Variants in DLGAP2 observed in about 807,000 individuals in gnomAD.
The protein encoded by DLGAP2 is disks large-associated protein 2.
Under a neutral mutation model 100.3 loss-of-function variants are expected in DLGAP2, and 26 were observed. The ratio of observed to expected loss-of-function variants is 0.26; its 90% CI spans 0.19 to 0.36. DLGAP2 has a LOEUF of 0.36. Ranked by LOEUF, DLGAP2 falls within the 10% of genes least tolerant of loss-of-function variation. The pLI is 1.00. For missense variants in DLGAP2, 1,858 were observed against 1,453.2 expected, an observed-to-expected ratio of 1.28 and a Z score of -4.53; for synonymous variants, 886 against 630.1, an observed-to-expected ratio of 1.41 and a Z score of -6.08.
intron 4 of DLGAP2, among the ~76,000 whole-genome samples, chr8:1,510,307 G>C (rs1170030405): frequency 6.6e-6 from 1 of 152,340 alleles, no homozygotes; most frequent in African/African-American, 2.4e-5. Context: ...AGGCTCATAG[G>C]AAGTGAAGGT....
At chr8:804,085 T>C (rs1045051001) in intron 1 of DLGAP2, among the ~76,000 whole-genome samples, 3 of 152,160 alleles carry the variant, frequency 2.0e-5, no homozygotes, top group African/African-American at 4.8e-5. Context: ...CTCTCTGTTG[T>C]AGGTGATTAA....
Position 1,548,889 on chromosome 8 carries a change from G to C in DLGAP2, c.436G>C (p.Val146Leu), listed in dbSNP as rs1003680129. ...GCGCAGCTCGGTGCACTCGGAGTGC[G>C]TGATGATGCCGGTGGTGCTGGGCGA... ...SPRSSVHSEC[V>L]MMPVVLGDHV... Residue 146 changes from valine (V) to leucine (L), a missense_variant, in exon 5 of 15, where the codon GTG becomes CTG. Val to Leu is a conservative substitution (Grantham distance 32, BLOSUM62 1). Transcript: ENST00000637795. 13 of 1,596,762 alleles carry C rather than the reference G, an allele frequency of 8.1e-6. No individual in the cohort carries two copies. Among genetic ancestry groups the C allele is most frequent in the African/African-American group, 1.3e-5 (1 of 74,870 alleles).
At chr8:1,693,938 C>T (rs1006872183) in intron 13 of DLGAP2, among the ~76,000 whole-genome samples, 17 of 152,274 alleles carry the variant, frequency 1.1e-4, no homozygotes, top group African/African-American at 2.2e-4. Flanking sequence ...GGGCCACTGA[C>T]GAACTCTGTG....
chr8:1,372,083 T>C (rs1371099236), intron 3 of DLGAP2, among the ~76,000 whole-genome samples: 1 of 152,176 alleles, frequency 6.6e-6, no homozygotes, highest in Non-Finnish European at 1.5e-5. Context: ...TGCCAGGTGA[T>C]GGGGTGGGCA....
intron 3 of DLGAP2, among the ~76,000 whole-genome samples, chr8:1,452,808 G>C (rs895756074): frequency 2.5e-4 from 38 of 152,176 alleles, no homozygotes; most frequent in African/African-American, 9.2e-4. Flanking sequence ...TAGAAACGCA[G>C]GTCTATGGAT....
intron 2 of DLGAP2, among the ~76,000 whole-genome samples, chr8:1,102,306 T>A (rs957966272): frequency 1.4e-5 from 2 of 147,460 alleles, no homozygotes; most frequent in Non-Finnish European, 3.0e-5. Context: ...ATGTAATATA[T>A]AATTACATAA....
intron 3 of DLGAP2, among the ~76,000 whole-genome samples, chr8:1,269,777 C>T (rs1025442129): frequency 6.6e-5 from 10 of 152,142 alleles, no homozygotes; most frequent in African/African-American, 1.9e-4. Flanking sequence ...AAAAGGCTGG[C>T]GAGGATTTTT....
At chr8:1,670,555 C>G (rs185501163) in intron 10 of DLGAP2, among the ~76,000 whole-genome samples, 1 of 152,366 alleles carries the variant, frequency 6.6e-6, no homozygotes, top group East Asian at 1.9e-4. Flanking sequence ...AGCACTGTGC[C>G]TGGCACATAG....
chr8:1,081,861 A>G (rs1220012346), intron 2 of DLGAP2, among the ~76,000 whole-genome samples: 1 of 152,172 alleles, frequency 6.6e-6, no homozygotes, highest in East Asian at 1.9e-4. Flanking sequence ...GGCATATTCC[A>G]TCTCCAGCAG....
chr8:997,976 T>C (rs1170942761), intron 2 of DLGAP2, among the ~76,000 whole-genome samples: 1 of 124,202 alleles, frequency 8.1e-6, no homozygotes, highest in Non-Finnish European at 1.8e-5. Flanking sequence ...CGCATGCATG[T>C]ACATGCACAA....
intron 3 of DLGAP2, among the ~76,000 whole-genome samples, chr8:1,268,094 TC>T (rs1799505273): frequency 6.6e-6 from 1 of 152,220 alleles, no homozygotes; most frequent in Non-Finnish European, 1.5e-5. Flanking sequence ...GATATAAAAT[TC>T]ACAAATAAAC....
At chr8:967,308 A>G (rs574122973) in intron 2 of DLGAP2, among the ~76,000 whole-genome samples, 1 of 152,232 alleles carries the variant, frequency 6.6e-6, no homozygotes, top group South Asian at 2.1e-4. Flanking sequence ...GCTTAAGCGC[A>G]TATCCCTTTC....
intron 2 of DLGAP2, among the ~76,000 whole-genome samples, chr8:1,241,397 C>G (rs73529846): frequency 0.021 from 3,146 of 152,336 alleles, 127 homozygotes; most frequent in African/African-American, 0.072. Context: ...TTCTCTGTCA[C>G]ATGGCCCTGT....
chr8:1,174,593 G>A (rs539443889), intron 2 of DLGAP2, among the ~76,000 whole-genome samples: 79 of 149,514 alleles, frequency 5.3e-4, no homozygotes, highest in South Asian at 8.6e-4. Context: ...CATCATTGTC[G>A]TCATCATCAT....
rs1007081095 is a variant in DLGAP2, at chr8:1,626,969, G to A, written c.1590+82G>A. ...CGGAGGCCCCGGCCGCATAGGTGGC[G>A]ATGGCGCTGCCCTCCTGGTCAGCAG... On this transcript the variant is annotated intron_variant, in intron 7 of 14. Coordinates refer to ENST00000637795, the MANE Select transcript of DLGAP2 (RefSeq NM_001346810.2). The A allele has an allele frequency of 1.7e-5, 26 of 1,489,190 alleles. No homozygotes were observed. In the African/African-American group the frequency reaches 2.2e-4, roughly 13 times the overall value. The allele number at this position is 1,489,190 out of a possible 1,614,324, so 92.2% of individuals were successfully genotyped here. A position where few individuals can be genotyped will look rare whatever the true frequency, so the allele number is the denominator to read the frequency against.
chr8:1,699,982 T>A (rs67596307), intron 14 of DLGAP2, among the ~76,000 whole-genome samples: 41,123 of 152,152 alleles, frequency 0.27, 5,722 homozygotes, highest in East Asian at 0.31. Flanking sequence ...AAAAAGGAAT[T>A]ACTTGTTAAA....
In DLGAP2 at chr8:1,332,238, A is replaced by T. The variant is rs372382626; in HGVS notation, c.106+73355A>T. On this transcript the variant is annotated intron_variant, in intron 3 of 14. Transcript: ENST00000637795. ...ATGGTTTGTGTGAGTGTGCCTGCAT[A>T]TGTGAGTATATGCATGTGTATATGT... Among the ~76,000 whole-genome samples, 7 of 152,190 alleles carry T rather than the reference A, an allele frequency of 4.6e-5. No individual in the cohort carries two copies. The East Asian group carries it at 7.7e-4, about 17-fold the overall frequency.
At chr8:1,192,219 G>A (rs556657624) in intron 2 of DLGAP2, among the ~76,000 whole-genome samples, 9 of 152,318 alleles carry the variant, frequency 5.9e-5, no homozygotes, top group Admixed American at 2.6e-4. Flanking sequence ...CACAGCCAGG[G>A]CCATGAAGCA....
chr8:1,446,702 T>C (rs920290929), intron 3 of DLGAP2, among the ~76,000 whole-genome samples: 1 of 152,256 alleles, frequency 6.6e-6, no homozygotes, highest in African/African-American at 2.4e-5. Flanking sequence ...ATTTTCACAA[T>C]ATTGATTCTT....
Sources: allele counts gnomAD v4.1 joint callset (sites outside exome capture counted in the v4.1 genomes callset), GRCh38; gene constraint gnomAD v4.1.1; transcripts MANE v1.5; gene names NCBI Gene and HGNC (gene_info 2026-07-23, HGNC 2026-07-21).